GAB2: variants seen among roughly 807,000 people sequenced by gnomAD.
GAB2 encodes the protein GRB2 associated binding protein 2.
In GAB2, 26 loss-of-function variants were observed where a neutral mutation model predicts 65.5. That is an observed-to-expected ratio of 0.40 (90% CI 0.29 to 0.55). GAB2 has a LOEUF of 0.55. GAB2 is among the 20% of genes least tolerant of loss of function. GAB2 has a pLI of 0.53. For missense variants in GAB2, 884 were observed against 875.8 expected (o/e 1.01, Z -0.12); for synonymous variants, 321 against 329.6 (o/e 0.97, Z 0.28).
rs748627150 is a variant in GAB2, at chr11:78,280,742, C to G, written c.235G>C (p.Glu79Gln). ...VDAGLTFNKK[E>Q]LQDSFVFDIK... is the part of the protein sequence containing the mutation. ...TCAAACACAAAACTATCCTGCAGCT[C>G]CTTCTTGTTAAAGGTCAGGCCTGCA... Residue 79 changes from glutamate (E) to glutamine (Q), a missense_variant, in exon 2 of 10, where the codon GAG (glutamate) becomes CAG (glutamine). Physicochemically the swap from Glu to Gln is conservative, Grantham distance 29. Coordinates refer to ENST00000361507, the MANE Select transcript of GAB2 (RefSeq NM_080491.3). 20 of 1,614,048 alleles carry G rather than the reference C, an allele frequency of 1.2e-5. No individual in the cohort carries two copies. Among genetic ancestry groups the G allele is most frequent in the Admixed American group, 1.7e-5 (1 of 60,010 alleles).
intron 1 of GAB2, among the ~76,000 whole-genome samples, chr11:78,390,930 C>T (rs193209891): frequency 4.8e-4 from 73 of 152,212 alleles, no homozygotes; most frequent in African/African-American, 1.5e-3. Flanking sequence ...AGATGAAATC[C>T]CTGCCTTGAC....
chr11:78,224,297 G>A (rs1283688970), intron 5 of GAB2, among the ~76,000 whole-genome samples: 1 of 152,096 alleles, frequency 6.6e-6, no homozygotes, highest in East Asian at 1.9e-4. Context: ...TTTGGTTCAG[G>A]ACCTGCCCTC....
chr11:78,223,971 A>G (rs1362830183), intron 5 of GAB2, among the ~76,000 whole-genome samples: 12 of 152,076 alleles, frequency 7.9e-5, no homozygotes, highest in African/African-American at 2.9e-4. Flanking sequence ...AGTCCCAGCT[A>G]CTCAGGAGGC....
intron 3 of GAB2, among the ~76,000 whole-genome samples, chr11:78,233,773 A>AT (rs1417400939): frequency 6.6e-6 from 1 of 151,994 alleles, no homozygotes. Context: ...CGCCTGTCTA[A>AT]TTTTTGTATT....
intron 3 of GAB2, among the ~76,000 whole-genome samples, chr11:78,234,119 C>T (rs1056124886): frequency 6.6e-6 from 1 of 152,050 alleles, no homozygotes; most frequent in East Asian, 1.9e-4. Context: ...CTTATTCTGT[C>T]GCCCAGGCTG....
intron 3 of GAB2, among the ~76,000 whole-genome samples, chr11:78,236,056 A>G (rs898290742): frequency 6.6e-6 from 1 of 152,200 alleles, no homozygotes; most frequent in East Asian, 1.9e-4. Flanking sequence ...TCTAAATAAT[A>G]ATAGGTCTTC....
intron 1 of GAB2, among the ~76,000 whole-genome samples, chr11:78,369,564 T>C (rs1327913609): frequency 6.6e-6 from 1 of 152,220 alleles, no homozygotes; most frequent in East Asian, 1.9e-4. Flanking sequence ...AGTTTTGCTT[T>C]GGCCCAGAGT....
chr11:78,414,633 C>T (rs1565190504), intron 1 of GAB2, among the ~76,000 whole-genome samples: 1 of 152,132 alleles, frequency 6.6e-6, no homozygotes, highest in East Asian at 1.9e-4. Context: ...TTCTGCCGGC[C>T]TCCCACTGCA....
At chr11:78,384,008 T>C (rs1448355340) in intron 1 of GAB2, among the ~76,000 whole-genome samples, 1 of 152,028 alleles carries the variant, frequency 6.6e-6, no homozygotes, top group Non-Finnish European at 1.5e-5. Context: ...GACAGAGGCA[T>C]AGTTGAGCAA....
chr11:78,323,670 A>G (rs951187745), intron 1 of GAB2, among the ~76,000 whole-genome samples: 4 of 151,870 alleles, frequency 2.6e-5, no homozygotes, highest in Non-Finnish European at 5.9e-5. Context: ...GGTAAGGTTG[A>G]GAAACTACCT....
chr11:78,234,269 G>A (rs1440109222), intron 3 of GAB2, among the ~76,000 whole-genome samples: 1 of 152,104 alleles, frequency 6.6e-6, no homozygotes, highest in Non-Finnish European at 1.5e-5. Context: ...TTTCTGTAGA[G>A]ACTGGGTTTT....
At chr11:78,415,284 A>G (rs953939641) in intron 1 of GAB2, among the ~76,000 whole-genome samples, 1 of 152,218 alleles carries the variant, frequency 6.6e-6, no homozygotes, top group East Asian at 1.9e-4. Context: ...GGATTTCTCA[A>G]TCTACAATAT....
intron 1 of GAB2, among the ~76,000 whole-genome samples, chr11:78,345,979 G>A (rs1333953825): frequency 6.6e-6 from 1 of 152,074 alleles, no homozygotes; most frequent in African/African-American, 2.4e-5. Context: ...CTCCGTATTA[G>A]ACAGATAAAC....
intron 1 of GAB2, among the ~76,000 whole-genome samples, chr11:78,390,412 C>A (rs992212600): frequency 2.6e-5 from 4 of 152,116 alleles, no homozygotes; most frequent in African/African-American, 9.7e-5. Context: ...ATAGTGAGAT[C>A]CCGTATCTAC....
intron 1 of GAB2, among the ~76,000 whole-genome samples, chr11:78,321,426 C>G (rs1855722108): frequency 6.6e-6 from 1 of 152,118 alleles, no homozygotes; most frequent in African/African-American, 2.4e-5. Context: ...TACCTCTTTA[C>G]TATAGATTTT....
intron 1 of GAB2, among the ~76,000 whole-genome samples, chr11:78,334,464 T>C (rs1855965841): frequency 1.3e-5 from 2 of 152,188 alleles, no homozygotes; most frequent in Non-Finnish European, 2.9e-5. Context: ...ATGAGTGCAA[T>C]TGTTTTGATT....
chr11:78,339,242 C>A (rs1254318973), intron 1 of GAB2, among the ~76,000 whole-genome samples: 1 of 152,048 alleles, frequency 6.6e-6, no homozygotes, highest in East Asian at 1.9e-4. Flanking sequence ...CCTTTCATGA[C>A]AAATCTATGA....
intron 1 of GAB2, among the ~76,000 whole-genome samples, chr11:78,367,363 T>C (rs951518291): frequency 5.3e-5 from 8 of 152,180 alleles, no homozygotes; most frequent in African/African-American, 1.9e-4. Flanking sequence ...GGTGTGTGCA[T>C]GTATGTGTGC....
chr11:78,342,604 T>C (rs1340023740), intron 1 of GAB2, among the ~76,000 whole-genome samples: 1 of 152,078 alleles, frequency 6.6e-6, no homozygotes, highest in Non-Finnish European at 1.5e-5. Flanking sequence ...GAGACGGGGT[T>C]TCACCATGTT....
Sources: allele counts gnomAD v4.1 joint callset (sites outside exome capture counted in the v4.1 genomes callset), GRCh38; gene constraint gnomAD v4.1.1; transcripts MANE v1.5; gene names NCBI Gene and HGNC (gene_info 2026-07-23, HGNC 2026-07-21).